HMX1: variants seen among roughly 807,000 people sequenced by gnomAD.
The protein encoded by HMX1 is H6 family homeobox 1.
A neutral mutation model predicts 8.9 loss-of-function variants in HMX1; 8 were observed. The observed-to-expected ratio is 0.90, with a 90% CI of 0.53 to 1.63. The LOEUF (loss-of-function observed/expected upper bound fraction) is 1.63, where lower values mean the gene tolerates loss of function less well. Among genes scored for constraint, HMX1 ranks in the 40% most tolerant of loss-of-function variants. HMX1 has a pLI of 0.00. For synonymous variants in HMX1, 311 were observed against 283.4 expected (o/e 1.10, Z -0.98); for missense variants, 621 against 558.5 (o/e 1.11, Z -1.13).
chr4:8,864,637 A>G (rs1215117948), downstream of HMX1, among the ~76,000 whole-genome samples: 8 of 152,144 alleles, frequency 5.3e-5, no homozygotes, highest in Non-Finnish European at 5.9e-5. Flanking sequence ...CAGGTCCTAC[A>G]CTGCTTTTCT....
chr4:8,852,991 A>G (rs1057247780), intron 1 of HMX1, among the ~76,000 whole-genome samples: 1 of 152,140 alleles, frequency 6.6e-6, no homozygotes, highest in Middle Eastern at 3.4e-3. Flanking sequence ...GATGGCCAAA[A>G]AAAAAAAAGC....
chr4:8,863,424 G>C (rs1457976589), downstream of HMX1, among the ~76,000 whole-genome samples: 1 of 152,260 alleles, frequency 6.6e-6, no homozygotes, highest in East Asian at 1.9e-4. Flanking sequence ...AGAGCCTTCC[G>C]TCTCCGCCCA....
rs995485156 is a variant in HMX1 at position 8,853,395 on chromosome 4, G to A, written c.395-7071C>T. The stretch of plus-strand genomic sequence containing the variant: ...GAGTTTGAGGGTCACCCAACTTCCT[G>A]ATAAGTCAAAGATCTATCCAGATGT... On this transcript the variant is annotated intron_variant, in intron 1 of 1. Coordinates refer to the HMX1 transcript ENST00000506970. This position sits in a 1 kb window ranked among gnomAD's most constrained non-coding sequence, Gnocchi z 4.7. 6.6e-6 allele frequency among the ~76,000 whole-genome samples: 1 copy of A among 152,164 alleles called. No homozygotes were observed. Among genetic ancestry groups the A allele is most frequent in the Non-Finnish European group, 1.5e-5 (1 of 68,042 alleles).
rs1304567607 is a variant in HMX1, at chr4:8,850,491, A to G, written c.395-4167T>C. Reference sequence around the variant, plus strand: ...AAGCCCAGGCTCCTGGCTGGGGGGCAGACTGCGCCCTCCTCCAGGCCTAGC... The same window carrying G: ...AAGCCCAGGCTCCTGGCTGGGGGGCGGACTGCGCCCTCCTCCAGGCCTAGC... On this transcript the variant is annotated intron_variant, in intron 1 of 1. Coordinates refer to the HMX1 transcript ENST00000506970. 3.3e-5 allele frequency among the ~76,000 whole-genome samples: 5 copies of G among 152,228 alleles called. No individual in the cohort carries two copies. The East Asian group carries it at 9.7e-4, about 29-fold the overall frequency.
chr4:8,851,378 A>C lies in HMX1; in HGVS notation c.395-5054T>G, dbSNP rs1433594893. 1.1e-4 allele frequency among the ~76,000 whole-genome samples: 16 copies of C among 152,304 alleles called. No homozygotes were observed. The South Asian group carries it at 3.1e-3, about 30-fold the overall frequency. ...GACAGGACAGGATGCAGAGGTGGGC[A>C]TTCTCACAGCTTCCCTCCATGGCTC... On this transcript the variant is annotated intron_variant, in intron 1 of 1. Coordinates refer to the HMX1 transcript ENST00000506970.
chr4:8,861,062 T>G (rs1270390140), intron 1 of HMX1, among the ~76,000 whole-genome samples: 1 of 150,728 alleles, frequency 6.6e-6, no homozygotes, highest in African/African-American at 2.5e-5. Context: ...CCGGAGACGG[T>G]GAAGAGGCGG....
At chr4:8,863,970 T>G (rs1234016433), downstream of HMX1, among the ~76,000 whole-genome samples, 1 of 152,220 alleles carries the variant, frequency 6.6e-6, no homozygotes, top group East Asian at 1.9e-4. Context: ...GTATGGACTC[T>G]GCCTTTGGAG....
At position 8,846,194 on chromosome 4, in the gene HMX1, C is replaced by T; in HGVS notation, c.525G>A (p.Trp175Ter). 7.2e-7 allele frequency: 1 copy of T among 1,397,704 alleles called. No homozygotes were observed. 86.6% of individuals were successfully genotyped at this position (1,397,704 alleles called of 1,614,324 possible). ...AAGGCTCCACCGTGTTGTGGCTGCA[C>T]CATCCAGTCCCTGCGGCCTCCTCCG... is the stretch of plus-strand genomic sequence containing the variant. Residue 175 changes from tryptophan (W) to a stop codon, truncating the protein, a stop_gained, in exon 2 of 2, where the codon TGG becomes TGA. Transcript: ENST00000506970. LOFTEE classifies it high-confidence loss of function.
intron 1 of HMX1, among the ~76,000 whole-genome samples, chr4:8,856,770 A>T (rs543532749): frequency 6.6e-6 from 1 of 152,146 alleles, no homozygotes; most frequent in Non-Finnish European, 1.5e-5. Context: ...TTTAAAAACT[A>T]CATACATCAT....
Position 8,846,304 on chromosome 4 carries a change from G to A in HMX1, c.415C>T (p.Gln139Ter), listed in dbSNP as rs1445380638. Residue 139 changes from glutamine to a stop codon, truncating the protein, a stop_gained, in exon 2 of 2, where the codon CAG becomes TAG. Transcript: ENST00000506970. LOFTEE classifies it low-confidence loss of function (END_TRUNC). ...TGCCCCTCTCCACACTGCACAGGCT[G>A]AGGTGTAATCTTCTGTGTGCCTGCA... 4 of 1,535,056 alleles carry A rather than the reference G, an allele frequency of 2.6e-6. No homozygotes were observed. The highest frequency in any genetic ancestry group is 3.5e-6 in the Non-Finnish European group (4 of 1,146,546).
chr4:8,867,381 T>C lies in HMX1; in HGVS notation c.*312A>G, dbSNP rs963956923. On this transcript the variant is annotated 3_prime_UTR_variant, in exon 2 of 2. Coordinates refer to ENST00000400677, the MANE Select transcript of HMX1 (RefSeq NM_018942.3). ...TGAGGGCAGCTGCCCCGGGTGGCCA[T>C]GGCCGACCGCTCCTCGCTGAGGCCG... The C allele has an allele frequency of 9.6e-7, 1 of 1,046,836 alleles. No individual in the cohort carries two copies. Among genetic ancestry groups the C allele is most frequent in the Non-Finnish European group, 1.1e-6 (1 of 870,984 alleles). The allele number at this position is 1,046,836 out of a possible 1,614,324, so 64.8% of individuals were successfully genotyped here. A position where few individuals can be genotyped will look rare whatever the true frequency, so the allele number is the denominator to read the frequency against.
intron 1 of HMX1, among the ~76,000 whole-genome samples, chr4:8,861,961 C>T (rs1033238961): frequency 2.6e-5 from 4 of 152,250 alleles, no homozygotes; most frequent in Non-Finnish European, 4.4e-5. Flanking sequence ...GCGTGGGTGA[C>T]TCGGGCTGGG....
In HMX1 at chr4:8,871,835, C is replaced by A; in HGVS notation, c.-221G>T. The A allele has an allele frequency of 2.6e-6, 1 of 386,468 alleles. No individual in the cohort carries two copies. Among genetic ancestry groups the A allele is most frequent in the African/African-American group, 2.5e-5 (1 of 40,460 alleles). The allele number at this position is 386,468 out of a possible 1,614,324, so 23.9% of individuals were successfully genotyped here. A position where few individuals can be genotyped will look rare whatever the true frequency, so the allele number is the denominator to read the frequency against. ...CTGATCGGGCAGCCGCCTGGCTCGCCTTTCAGGTCGCCGTTCTGGTCGCCG... is the reference window on the plus strand; with the variant it reads ...CTGATCGGGCAGCCGCCTGGCTCGCATTTCAGGTCGCCGTTCTGGTCGCCG... On this transcript the variant is annotated 5_prime_UTR_variant, in exon 1 of 2. The change creates a new upstream start codon in the 5' untranslated region. Transcript: ENST00000400677. This position sits in a 1 kb window ranked among gnomAD's most constrained non-coding sequence, Gnocchi z 4.8.
downstream of HMX1, among the ~76,000 whole-genome samples, chr4:8,866,075 C>T (rs1209086043): frequency 6.6e-6 from 1 of 152,200 alleles, no homozygotes; most frequent in Non-Finnish European, 1.5e-5. Flanking sequence ...GAAGGAGGCC[C>T]CCTGGGCTTG....
rs561854184 is a variant in HMX1 at position 8,850,780 on chromosome 4, G to A, written c.395-4456C>T. On this transcript the variant is annotated intron_variant, in intron 1 of 1. Transcript: ENST00000506970. ...CTCCACTCACCCAGCCCTGCGACTC[G>A]GTCTTCGCTCCTGGTCTGGATCCGG... Among the ~76,000 whole-genome samples, 45 of 152,320 alleles carry A rather than the reference G, an allele frequency of 3.0e-4. 1 individual carries two copies. The South Asian group carries it at 9.1e-3, about 31-fold the overall frequency.
At chr4:8,863,738 C>G (rs747326730), downstream of HMX1, among the ~76,000 whole-genome samples, 3 of 152,258 alleles carry the variant, frequency 2.0e-5, no homozygotes, top group Non-Finnish European at 4.4e-5. Context: ...CCTGCTCTCT[C>G]GGCCAAGGGC....
Position 8,871,366 on chromosome 4 carries a change from G to GGCCCGCGCCTCCCCGCCGGGCCCGGT in HMX1, c.223_248dup (p.Arg84ProfsTer150), listed in dbSNP as rs1722213202. On this transcript the variant is annotated frameshift_variant, in exon 1 of 2. Transcript: ENST00000400677. LOFTEE classifies it high-confidence loss of function. This position sits in a 1 kb window ranked among gnomAD's most constrained non-coding sequence, Gnocchi z 4.8. ...GCGCGCCCGGCCCGAGCAGCGCACG[G>GGCCCGCGCCTCCCCGCCGGGCCCGGT]GCCCGCGCCTCCCCGCCGGGCCCGG... 8.0e-7 allele frequency: 1 copy of GGCCCGCGCCTCCCCGCCGGGCCCGGT among 1,244,102 alleles called. No individual in the cohort carries two copies. The highest frequency in any genetic ancestry group is 1.0e-6 in the Non-Finnish European group (1 of 993,670). 77.1% of individuals were successfully genotyped at this position (1,244,102 alleles called of 1,614,324 possible).
In HMX1 at chr4:8,849,990, C is replaced by A. The variant is rs968676295; in HGVS notation, c.395-3666G>T. 2.6e-5 allele frequency among the ~76,000 whole-genome samples: 4 copies of A among 152,194 alleles called. No individual in the cohort carries two copies. Among genetic ancestry groups the A allele is most frequent in the Admixed American group, 2.6e-4 (4 of 15,292 alleles). On this transcript the variant is annotated intron_variant, in intron 1 of 1. Transcript: ENST00000506970. The surrounding 1 kb of genome is among the most constrained non-coding windows in gnomAD (Gnocchi z 6.6). ...CCAAACCCTGTGGGTGTTGGTTTCTCTGGGCCTCCTTCTCCCACAGCCCCA... is the reference window on the plus strand; with the variant it reads ...CCAAACCCTGTGGGTGTTGGTTTCTATGGGCCTCCTTCTCCCACAGCCCCA...
downstream of HMX1, among the ~76,000 whole-genome samples, chr4:8,864,776 C>T (rs1456916474): frequency 6.6e-6 from 1 of 152,208 alleles, no homozygotes; most frequent in Non-Finnish European, 1.5e-5. Flanking sequence ...TAACAGTGTT[C>T]CAGGCCCCAG....
Sources: gnomAD v4.1 joint callset for allele counts (sites outside exome capture counted in the v4.1 genomes callset) on GRCh38, gnomAD v4.1.1 for gene constraint, Gnocchi (gnomAD v3.1) non-coding constraint, MANE v1.5 for transcripts, NCBI Gene and HGNC (gene_info 2026-07-23, HGNC 2026-07-21) for gene names.